Variants in NPAS3 observed in about 807,000 individuals in gnomAD.
NPAS3 encodes the protein neuronal PAS domain-containing protein 3.
NPAS3 carries 14 observed loss-of-function variants against 73.1 expected under a neutral mutation model. The observed-to-expected ratio is 0.19, with a 90% CI of 0.13 to 0.30. The LOEUF is 0.30. NPAS3 is among the 10% of genes least tolerant of loss of function. NPAS3 has a pLI of 1.00. For missense variants in NPAS3, 1,096 were observed against 1,250.0 expected, an observed-to-expected ratio of 0.88 and a Z score of 1.86; for synonymous variants, 620 against 541.5, an observed-to-expected ratio of 1.14 and a Z score of -2.01.
At chr14:33,577,922 C>A (rs1431541549) in intron 5 of NPAS3, among the ~76,000 whole-genome samples, 1 of 152,318 alleles carries the variant, frequency 6.6e-6, no homozygotes, top group East Asian at 1.9e-4. Flanking sequence ...ATCCTCCCCC[C>A]AATTCCAAAG....
intron 6 of NPAS3, among the ~76,000 whole-genome samples, chr14:33,726,492 G>A (rs952987889): frequency 2.0e-5 from 3 of 152,150 alleles, no homozygotes; most frequent in African/African-American, 7.2e-5. Context: ...GGAGATGGGC[G>A]TGATTCCTTC....
At chr14:33,693,811 C>A (rs2140419859) in intron 6 of NPAS3, among the ~76,000 whole-genome samples, 1 of 152,276 alleles carries the variant, frequency 6.6e-6, no homozygotes, top group African/African-American at 2.4e-5. Flanking sequence ...CCTGTTAATT[C>A]AAAGTGAATA....
At chr14:33,446,014 T>C (rs1185015635) in intron 4 of NPAS3, among the ~76,000 whole-genome samples, 1 of 151,976 alleles carries the variant, frequency 6.6e-6, no homozygotes, top group Non-Finnish European at 1.5e-5. Flanking sequence ...TAGTGAAATC[T>C]AGTTTTCTCT....
chr14:33,083,100 T>C (rs2041910237), intron 2 of NPAS3, among the ~76,000 whole-genome samples: 1 of 143,258 alleles, frequency 7.0e-6, no homozygotes, highest in Admixed American at 7.5e-5. Context: ...GGAGAATCAT[T>C]TCAACCTGGG....
chr14:33,434,869 A>G (rs1333395767), intron 4 of NPAS3, among the ~76,000 whole-genome samples: 1 of 152,216 alleles, frequency 6.6e-6, no homozygotes, highest in Non-Finnish European at 1.5e-5. Flanking sequence ...GCACCAAGCT[A>G]GACTTGCACT....
chr14:33,482,199 G>A (rs1343525011), intron 4 of NPAS3, among the ~76,000 whole-genome samples: 2 of 152,110 alleles, frequency 1.3e-5, no homozygotes, highest in Non-Finnish European at 2.9e-5. Context: ...GGTGAGTAAT[G>A]AGTCTCCTCT....
chr14:33,098,569 A>C (rs1231937793), intron 2 of NPAS3, among the ~76,000 whole-genome samples: 2 of 152,194 alleles, frequency 1.3e-5, no homozygotes, highest in Non-Finnish European at 2.9e-5. Flanking sequence ...CATGGATTCT[A>C]GCAAAGTTCT....
At chr14:33,315,029 A>G (rs2043151645) in intron 3 of NPAS3, among the ~76,000 whole-genome samples, 2 of 152,230 alleles carry the variant, frequency 1.3e-5, no homozygotes, top group African/African-American at 4.8e-5. Context: ...GCAACATGGC[A>G]TGATTAATAA....
At chr14:33,461,066 C>T (rs892478132) in intron 4 of NPAS3, among the ~76,000 whole-genome samples, 1 of 152,146 alleles carries the variant, frequency 6.6e-6, no homozygotes, top group Non-Finnish European at 1.5e-5. Flanking sequence ...AAAACTGGTG[C>T]GGACGATACT....
At chr14:33,066,849 G>A (rs1476251625) in intron 2 of NPAS3, among the ~76,000 whole-genome samples, 1 of 152,164 alleles carries the variant, frequency 6.6e-6, no homozygotes, top group Non-Finnish European at 1.5e-5. Flanking sequence ...TTCTGTGTTG[G>A]CTGGTTTTCT....
intron 4 of NPAS3, among the ~76,000 whole-genome samples, chr14:33,399,585 A>G (rs1479016522): frequency 6.6e-6 from 1 of 152,096 alleles, no homozygotes; most frequent in Admixed American, 6.6e-5. Context: ...AACATTACAG[A>G]GATCAACAAT....
At chr14:33,736,885 A>G (rs2061536922) in intron 7 of NPAS3, among the ~76,000 whole-genome samples, 1 of 152,226 alleles carries the variant, frequency 6.6e-6, no homozygotes. Flanking sequence ...AATTTTTTTC[A>G]TACCACAAAC....
intron 6 of NPAS3, among the ~76,000 whole-genome samples, chr14:33,684,206 A>G (rs991250838): frequency 2.8e-5 from 4 of 142,646 alleles, no homozygotes; most frequent in African/African-American, 1.1e-4. Flanking sequence ...CCTCTTATGC[A>G]CGTATTTCAT....
chr14:33,792,102 G>T (rs563294399), intron 9 of NPAS3, among the ~76,000 whole-genome samples: 89 of 152,312 alleles, frequency 5.8e-4, no homozygotes, highest in South Asian at 2.1e-3. Flanking sequence ...CAGAAGAGCT[G>T]TATGGCAGAG....
At chr14:33,756,253 G>A (rs895346997) in intron 7 of NPAS3, among the ~76,000 whole-genome samples, 1 of 152,102 alleles carries the variant, frequency 6.6e-6, no homozygotes, top group Non-Finnish European at 1.5e-5. Flanking sequence ...GGGTAAGAGG[G>A]CCCAGATGAG....
intron 2 of NPAS3, among the ~76,000 whole-genome samples, chr14:33,122,659 T>G (rs1200921323): frequency 6.6e-6 from 1 of 152,146 alleles, no homozygotes; most frequent in Non-Finnish European, 1.5e-5. Flanking sequence ...CTTATTTTTT[T>G]ACTTCATGCC....
At chr14:33,248,337 A>G (rs185833962) in intron 3 of NPAS3, among the ~76,000 whole-genome samples, 80 of 152,308 alleles carry the variant, frequency 5.3e-4, no homozygotes, top group Admixed American at 6.5e-4. Context: ...ACAGCCTCCA[A>G]TTCTTTTCAT....
intron 6 of NPAS3, among the ~76,000 whole-genome samples, chr14:33,720,870 G>A (rs1393698269): frequency 6.6e-6 from 1 of 152,048 alleles, no homozygotes; most frequent in Non-Finnish European, 1.5e-5. Flanking sequence ...AATCCATGGG[G>A]TGATCTTCAG....
chr14:33,451,628 G>T (rs2049794999), intron 4 of NPAS3, among the ~76,000 whole-genome samples: 1 of 152,092 alleles, frequency 6.6e-6, no homozygotes, highest in Non-Finnish European at 1.5e-5. Flanking sequence ...TGTATGCTAT[G>T]ACAATACGGT....
Sources: allele counts gnomAD v4.1 joint callset (sites outside exome capture counted in the v4.1 genomes callset), GRCh38; gene constraint gnomAD v4.1.1; transcripts MANE v1.5; gene names NCBI Gene and HGNC (gene_info 2026-07-23, HGNC 2026-07-21).